The following SDCCAG8 variants were observed in gnomAD, a reference collection of about 807,000 sequenced individuals.
SDCCAG8 encodes SHH signaling and ciliogenesis regulator SDCCAG8.
Under a neutral mutation model 101.8 loss-of-function variants are expected in SDCCAG8, and 74 were observed. The ratio of observed to expected loss-of-function variants is 0.73; its 90% CI spans 0.60 to 0.88. The LOEUF is 0.88. SDCCAG8 is among the 40% of genes least tolerant of loss of function. SDCCAG8 has a pLI of 0.00. For synonymous variants in SDCCAG8, 281 were observed against 292.9 expected, an observed-to-expected ratio of 0.96 and a Z score of 0.41; for missense variants, 787 against 822.6, an observed-to-expected ratio of 0.96 and a Z score of 0.53.
intron 16 of SDCCAG8, among the ~76,000 whole-genome samples, chr1:243,451,051 G>A (rs1192111515): frequency 6.6e-6 from 1 of 152,172 alleles, no homozygotes; most frequent in East Asian, 1.9e-4. Context: ...GGGGAAATAG[G>A]GTAAAAGTAG....
chr1:243,461,219 A>G (rs749241379), intron 16 of SDCCAG8, among the ~76,000 whole-genome samples: 2 of 152,210 alleles, frequency 1.3e-5, no homozygotes, highest in Non-Finnish European at 2.9e-5. Context: ...CATAGCTGAA[A>G]TTTGAATCTT....
chr1:243,319,769 A>G (rs933507188), intron 9 of SDCCAG8, among the ~76,000 whole-genome samples: 2 of 152,108 alleles, frequency 1.3e-5, no homozygotes, highest in African/African-American at 4.8e-5. Context: ...GATACACAAA[A>G]CACTAATACT....
intron 16 of SDCCAG8, among the ~76,000 whole-genome samples, chr1:243,471,326 C>T (rs934837145): frequency 2.6e-5 from 4 of 152,174 alleles, no homozygotes; most frequent in East Asian, 1.9e-4. Context: ...GGCCCTCGGG[C>T]GGGTACTGCT....
chr1:243,300,943 C>A (rs945455764), intron 6 of SDCCAG8, among the ~76,000 whole-genome samples: 3 of 151,850 alleles, frequency 2.0e-5, no homozygotes, highest in Admixed American at 1.3e-4. Context: ...TGCAGATGAA[C>A]CATGTAGCTT....
At chr1:243,308,588 T>C (rs893787737) in intron 8 of SDCCAG8, among the ~76,000 whole-genome samples, 1 of 152,208 alleles carries the variant, frequency 6.6e-6, no homozygotes, top group African/African-American at 2.4e-5. Context: ...GTACTTCAGG[T>C]AGAATGAGTT....
chr1:243,499,879 C>G lies in SDCCAG8; in HGVS notation c.*94C>G. 1 of 1,231,826 alleles carries G rather than the reference C, an allele frequency of 8.1e-7. No homozygotes were observed. 76.3% of individuals were successfully genotyped at this position (1,231,826 alleles called of 1,614,324 possible). Reference sequence around the variant, plus strand: ...TATGCCACAACGCACCACGACCTTCCCAGGGTGACACCGCCTCAGCCTGCA... The same window carrying G: ...TATGCCACAACGCACCACGACCTTCGCAGGGTGACACCGCCTCAGCCTGCA... On this transcript the variant is annotated 3_prime_UTR_variant, in exon 18 of 18. Coordinates refer to ENST00000366541, the MANE Select transcript of SDCCAG8 (RefSeq NM_006642.5).
At chr1:243,445,668 T>C (rs946996184) in intron 16 of SDCCAG8, among the ~76,000 whole-genome samples, 6 of 152,188 alleles carry the variant, frequency 3.9e-5, no homozygotes, top group Admixed American at 1.3e-4. Flanking sequence ...AAAATACATC[T>C]TTTATTGCAC....
intron 17 of SDCCAG8, 101 bp from the exon 18 acceptor site, chr1:243,499,655 A>G (rs1330916191): frequency 1.0e-6 from 1 of 965,192 alleles, no homozygotes; most frequent in Non-Finnish European, 1.7e-6. Flanking sequence ...TTTCTCCAAC[A>G]ACAGTTTTCA....
intron 17 of SDCCAG8, among the ~76,000 whole-genome samples, chr1:243,490,452 T>C (rs1178836269): frequency 6.6e-6 from 1 of 152,240 alleles, no homozygotes; most frequent in Non-Finnish European, 1.5e-5. Flanking sequence ...GGGATGATTC[T>C]GGACGACACT....
intron 16 of SDCCAG8, among the ~76,000 whole-genome samples, chr1:243,471,637 A>G (rs1037811910): frequency 6.6e-6 from 1 of 152,054 alleles, no homozygotes; most frequent in African/African-American, 2.4e-5. Context: ...AGGATGATGT[A>G]TCCACCCATC....
At chr1:243,309,141 T>G (rs952569346) in intron 8 of SDCCAG8, among the ~76,000 whole-genome samples, 2 of 152,240 alleles carry the variant, frequency 1.3e-5, no homozygotes, top group African/African-American at 4.8e-5. Flanking sequence ...TCTTCAGATT[T>G]AAGACCTTTT....
chr1:243,491,811 G>C (rs1176834797), intron 17 of SDCCAG8, among the ~76,000 whole-genome samples: 1 of 152,184 alleles, frequency 6.6e-6, no homozygotes, highest in Admixed American at 6.5e-5. Context: ...TCCAGATCTT[G>C]GGCAGCTGAG....
intron 12 of SDCCAG8, among the ~76,000 whole-genome samples, chr1:243,363,979 C>A (rs183345130): frequency 3.0e-4 from 45 of 152,138 alleles, no homozygotes; most frequent in Non-Finnish European, 5.6e-4. Context: ...GAGTTAAAAC[C>A]AAGTTCAATA....
chr1:243,492,428 A>T (rs1199157554), intron 17 of SDCCAG8, among the ~76,000 whole-genome samples: 1 of 143,690 alleles, frequency 7.0e-6, no homozygotes, highest in Non-Finnish European at 1.5e-5. Context: ...CAGGCTCCCA[A>T]GTAGCTGGGA....
At chr1:243,464,840 C>T (rs141807444) in intron 16 of SDCCAG8, among the ~76,000 whole-genome samples, 6 of 152,340 alleles carry the variant, frequency 3.9e-5, no homozygotes, top group Admixed American at 1.3e-4. Context: ...GTCACCCCAT[C>T]GTGAGGATAC....
intron 4 of SDCCAG8, among the ~76,000 whole-genome samples, chr1:243,279,138 GA>G (rs2068816552): frequency 6.6e-6 from 1 of 152,066 alleles, no homozygotes; most frequent in Non-Finnish European, 1.5e-5. Context: ...AGACTTTTTG[GA>G]ATGATGTTGA....
intron 12 of SDCCAG8, among the ~76,000 whole-genome samples, chr1:243,372,122 A>G (rs2077328015): frequency 6.6e-6 from 1 of 152,122 alleles, no homozygotes; most frequent in South Asian, 2.1e-4. Flanking sequence ...GTGATAGATT[A>G]TATGTTTCAA....
rs576179320 is a variant in SDCCAG8, at chr1:243,294,696, TCC to T, written c.675+1489_675+1490del. On this transcript the variant is annotated intron_variant, in intron 6 of 17. Transcript: ENST00000366541. ...CTAGGCATACTGTGACTTTCTAAAT[TCC>T]CCCCCCCCCCCACAGCTGCCTTTGA... Among the ~76,000 whole-genome samples, 327 of 62,202 alleles carry T rather than the reference TCC, an allele frequency of 5.3e-3. 14 individuals are homozygous for T. The East Asian group carries it at 0.078, about 15-fold the overall frequency. 40.8% of individuals were successfully genotyped at this position (62,202 alleles called of 152,430 possible).
intron 17 of SDCCAG8, among the ~76,000 whole-genome samples, chr1:243,493,246 G>T (rs1447699764): frequency 1.3e-5 from 2 of 150,212 alleles, no homozygotes; most frequent in Non-Finnish European, 3.0e-5. Context: ...AGGGGGATTC[G>T]GGGTGAGGGT....
Sources: gnomAD v4.1 joint callset for allele counts (sites outside exome capture counted in the v4.1 genomes callset) on GRCh38, gnomAD v4.1.1 for gene constraint, MANE v1.5 for transcripts, NCBI Gene and HGNC (gene_info 2026-07-23, HGNC 2026-07-21) for gene names.